Variants in EGFL6 observed in about 807,000 individuals in gnomAD.
EGFL6 encodes the protein EGF like domain multiple 6.
A neutral mutation model predicts 43.1 loss-of-function variants in EGFL6; 42 were observed. That is an observed-to-expected ratio of 0.98 (90% confidence interval 0.76 to 1.26). The LOEUF (loss-of-function observed/expected upper bound fraction) is 1.26. EGFL6 is among the 50% of genes most tolerant of loss of function. The pLI is 0.00. For synonymous variants in EGFL6, 164 were observed against 163.2 expected, an observed-to-expected ratio of 1.01 and a Z score of -0.04; for missense variants, 429 against 427.8, an observed-to-expected ratio of 1.00 and a Z score of -0.02.
At chrX:13,605,878 A>G (rs1484875072) in intron 5 of EGFL6, among the ~76,000 whole-genome samples, 1 of 112,709 alleles carries the variant, frequency 8.9e-6, no homozygotes, top group Non-Finnish European at 1.9e-5. Flanking sequence ...CTGTGAGTCA[A>G]TATTGCAGGG....
Position 13,618,025 on chromosome X carries a change from G to A in EGFL6, c.1074G>A (p.Glu358=). The A allele has an allele frequency of 4.2e-6, 5 of 1,202,290 alleles. No individual in the cohort carries two copies. Among genetic ancestry groups the A allele is most frequent in the Non-Finnish European group, 5.6e-6 (5 of 890,919 alleles). Residue 358 remains glutamate (E), a synonymous_variant, in exon 8 of 12, where the codon GAG becomes GAA. Coordinates refer to ENST00000361306, the MANE Select transcript of EGFL6 (RefSeq NM_015507.4). ...REEKALKNDI[E]ERSLRGDVFF... is the part of the protein sequence containing the mutation. ...AGAAAGCCCTGAAGAATGACATAGA[G>A]GAGCGAAGCCTGCGAGGAGATGTGT...
At chrX:13,575,972 T>C (rs910139898) in intron 1 of EGFL6, among the ~76,000 whole-genome samples, 6 of 112,326 alleles carry the variant, frequency 5.3e-5, no homozygotes, top group Non-Finnish European at 7.5e-5. Flanking sequence ...ACCCAGATGC[T>C]GCCATTTTAT....
rs72060307 is a variant in EGFL6 at position 13,598,558 on chromosome X, AGTTGTTGTT to A, written c.281-1392_281-1384del. 3.1e-3 allele frequency among the ~76,000 whole-genome samples: 322 copies of A among 104,853 alleles called. 1 individual carries two copies. The highest frequency in any genetic ancestry group is 4.9e-3 in the Non-Finnish European group (250 of 51,194). The allele number at this position is 104,853 out of a possible 115,157, so 91.1% of individuals were successfully genotyped here. On this transcript the variant is annotated intron_variant, in intron 3 of 11. Coordinates refer to ENST00000361306, the MANE Select transcript of EGFL6 (RefSeq NM_015507.4). ...TTAATAAAAATGTTACTTATTCTTA[AGTTGTTGTT>A]GTTGTTGTTGTTGTTGTTGTTGTTT...
intron 8 of EGFL6, 51 bp downstream of exon 8, chrX:13,618,104 C>A (rs1602656749): frequency 9.0e-7 from 1 of 1,109,113 alleles, no homozygotes; most frequent in Non-Finnish European, 1.2e-6. Flanking sequence ...ATTGCAATTT[C>A]TCCTGGCAAA....
In EGFL6 at chrX:13,633,270, C is replaced by T. The variant is rs1354134716; in HGVS notation, c.*175C>T. 1 of 386,726 alleles carries T rather than the reference C, an allele frequency of 2.6e-6. No homozygotes were observed. The highest frequency in any genetic ancestry group is 4.4e-6 in the Non-Finnish European group (1 of 228,549). 31.9% of individuals were successfully genotyped at this position (386,726 alleles called of 1,213,427 possible). A position where few individuals can be genotyped will look rare whatever the true frequency, so the allele number is the denominator to read the frequency against. On this transcript the variant is annotated 3_prime_UTR_variant, in exon 12 of 12. Coordinates refer to ENST00000361306, the MANE Select transcript of EGFL6 (RefSeq NM_015507.4). ...ATATGCCAATATTTGCTTTAAATATCATATCACTGTATCTTCTCAGTCATT... is the reference window on the plus strand; with the variant it reads ...ATATGCCAATATTTGCTTTAAATATTATATCACTGTATCTTCTCAGTCATT...
At chrX:13,575,119 C>G (rs1484738976) in intron 1 of EGFL6, 2 of 30,742 alleles carry the variant, frequency 6.5e-5, no homozygotes, top group African/African-American at 2.1e-4. Context: ...TTAAAACAAA[C>G]AAACAAACAA....
chrX:13,606,642 A>G, intron 6 of EGFL6, 129 bp downstream of exon 6: 4 of 707,676 alleles, frequency 5.7e-6, no homozygotes, highest in Non-Finnish European at 8.0e-6. Context: ...GCTTAACAAT[A>G]AGGAAAGGTT....
In EGFL6 at chrX:13,618,026, G is replaced by A; in HGVS notation, c.1075G>A (p.Glu359Lys). ...EEKALKNDIE[E>K]RSLRGDVFFP... is the part of the protein sequence containing the mutation. ...GAAAGCCCTGAAGAATGACATAGAGGAGCGAAGCCTGCGAGGAGATGTGTT... is the reference window on the plus strand; with the variant it reads ...GAAAGCCCTGAAGAATGACATAGAGAAGCGAAGCCTGCGAGGAGATGTGTT... The change falls in exon 8 of 12, where the codon GAG becomes AAG. Residue 359 changes from glutamate to lysine, a missense_variant. By Grantham distance (56) the Glu-to-Lys change is moderately conservative. Coordinates refer to ENST00000361306, the MANE Select transcript of EGFL6 (RefSeq NM_015507.4). 1 of 1,199,878 alleles carries A rather than the reference G, an allele frequency of 8.3e-7. No homozygotes were observed. Among genetic ancestry groups the A allele is most frequent in the South Asian group, 1.8e-5 (1 of 54,515 alleles).
chrX:13,603,214 T>A (rs1477353640), intron 4 of EGFL6, 103 bp from the exon 5 acceptor site: 28 of 926,327 alleles, frequency 3.0e-5, no homozygotes, highest in African/African-American at 8.0e-5. Context: ...TATAATGCCA[T>A]GCAACGTGTT....
chrX:13,570,474 G>A (rs185159177), intron 1 of EGFL6, among the ~76,000 whole-genome samples: 44 of 111,921 alleles, frequency 3.9e-4, no homozygotes, highest in Admixed American at 1.0e-3. Flanking sequence ...TCTCTGATTA[G>A]GGTTGATGAA....
intron 2 of EGFL6, 65 bp downstream of exon 2, chrX:13,589,733 C>A: frequency 1.1e-6 from 1 of 924,398 alleles, no homozygotes; most frequent in Non-Finnish European, 1.5e-6. Flanking sequence ...TCTGTCATAC[C>A]ATGAACTGCC....
chrX:13,599,195 A>T (rs2045618807), intron 3 of EGFL6, among the ~76,000 whole-genome samples: 1 of 110,679 alleles, frequency 9.0e-6, no homozygotes, highest in Non-Finnish European at 1.9e-5. Context: ...TATATAAATT[A>T]TCTATTTCTA....
chrX:13,604,491 G>A (rs974042497), intron 5 of EGFL6, among the ~76,000 whole-genome samples: 2 of 111,176 alleles, frequency 1.8e-5, no homozygotes, highest in Non-Finnish European at 3.8e-5. Context: ...CCTGGGTCGG[G>A]AGCAAAGCAC....
rs1602657357 is a variant in EGFL6, at chrX:13,619,217, C to T, written c.1157C>T (p.Ala386Val). Reference protein sequence around the residue: ...EFGLILVQRKALTSKLEHKDL... With the variant: ...EFGLILVQRKVLTSKLEHKDL... ...GGCCTGATTCTGGTCCAAAGGAAAG[C>T]GCTAACTTCCAAACTGGAACATAAA... Residue 386 changes from alanine (A) to valine (V), a missense_variant, in exon 9 of 12, where the codon GCG becomes GTG. Physicochemically the swap from Ala to Val is moderately conservative, Grantham distance 64. Transcript: ENST00000361306. The T allele has an allele frequency of 2.5e-6, 3 of 1,209,860 alleles. No homozygotes were observed. The highest frequency in any genetic ancestry group is 1.8e-5 in the South Asian group (1 of 56,932).
rs1483938231 is a variant in EGFL6 at position 13,613,164 on chromosome X, ATATATATATATATATGT to A, written c.779-4565_779-4549del. On this transcript the variant is annotated intron_variant, in intron 7 of 11. Coordinates refer to ENST00000361306, the MANE Select transcript of EGFL6 (RefSeq NM_015507.4). ...CATCTCCATAAATATATACATATAT[ATATATATATATATATGT>A]CATATATATGGCATTGATGTAGCAA... is the stretch of plus-strand genomic sequence containing the variant. 8.9e-5 allele frequency among the ~76,000 whole-genome samples: 9 copies of A among 101,489 alleles called. No individual in the cohort carries two copies. In the Admixed American group the frequency reaches 9.5e-4, roughly 11 times the overall value. The allele number at this position is 101,489 out of a possible 115,157, so 88.1% of individuals were successfully genotyped here. A position where few individuals can be genotyped will look rare whatever the true frequency, so the allele number is the denominator to read the frequency against.
rs189834260 is a variant in EGFL6 at position 13,601,238 on chromosome X, T to C, written c.400+1144T>C. ...CCACCAGCTAACTTTCTCACGCCCC[T>C]TGCCCCACTACCAAAGATTAGTGAT... On this transcript the variant is annotated intron_variant, in intron 4 of 11. Coordinates refer to ENST00000361306, the MANE Select transcript of EGFL6 (RefSeq NM_015507.4). Among the ~76,000 whole-genome samples the C allele has an allele frequency of 4.7e-3, 526 of 111,615 alleles. 3 individuals are homozygous for C. The highest frequency in any genetic ancestry group is 8.0e-3 in the Non-Finnish European group (423 of 53,113).
At chrX:13,615,422 C>T (rs1437335251) in intron 7 of EGFL6, among the ~76,000 whole-genome samples, 1 of 112,006 alleles carries the variant, frequency 8.9e-6, no homozygotes, top group Non-Finnish European at 1.9e-5. Context: ...AGGAAATTTG[C>T]AGGGAATAGG....
intron 4 of EGFL6, 95 bp downstream of exon 4, chrX:13,600,189 A>T (rs755540279): frequency 1.0e-4 from 93 of 924,303 alleles, no homozygotes; most frequent in Non-Finnish European, 1.1e-4. Context: ...GTGATTTTTT[A>T]AAAAATCTCT....
At chrX:13,577,129 A>C (rs1180260055) in intron 1 of EGFL6, among the ~76,000 whole-genome samples, 1 of 109,866 alleles carries the variant, frequency 9.1e-6, no homozygotes, top group Admixed American at 9.9e-5. Context: ...AGGGCCATCA[A>C]AATGTCTTTC....
Sources: allele counts gnomAD v4.1 joint callset (sites outside exome capture counted in the v4.1 genomes callset), GRCh38; gene constraint gnomAD v4.1.1; transcripts MANE v1.5; gene names NCBI Gene and HGNC (gene_info 2026-07-23, HGNC 2026-07-21).